The following PCDHA10 variants were observed in gnomAD, a reference collection of about 807,000 sequenced individuals.
The protein encoded by PCDHA10 is protocadherin alpha 10.
Under a neutral mutation model 61.2 loss-of-function variants are expected in PCDHA10, and 45 were observed. The observed-to-expected ratio is 0.74, with a 90% CI of 0.58 to 0.94. PCDHA10 has a LOEUF of 0.94. PCDHA10 is among the 40% of genes least tolerant of loss of function. The pLI is 0.00. For missense variants in PCDHA10, 1,278 were observed against 1,236.2 expected (o/e 1.03, Z -0.51); for synonymous variants, 602 against 548.8 (o/e 1.10, Z -1.35).
At chr5:140,892,349 T>C (rs1266203354) in intron 1 of PCDHA10, among the ~76,000 whole-genome samples, 2 of 152,248 alleles carry the variant, frequency 1.3e-5, no homozygotes, top group Admixed American at 6.5e-5. Context: ...TAATTGACTT[T>C]TGCCAGGCAT....
chr5:140,862,614 C>G, intron 1 of PCDHA10: 1 of 523,252 alleles, frequency 1.9e-6, no homozygotes, highest in Non-Finnish European at 3.9e-6. Flanking sequence ...TGAAAGGTAA[C>G]AACCCGCGGG....
At chr5:141,008,512 C>A (rs1006553111) in intron 3 of PCDHA10, among the ~76,000 whole-genome samples, 2 of 152,094 alleles carry the variant, frequency 1.3e-5, no homozygotes, top group Non-Finnish European at 2.9e-5. Context: ...GGTGTGTCTT[C>A]CAATCAGACT....
chr5:140,862,826 G>A lies in PCDHA10; in HGVS notation c.2388+4390G>A, dbSNP rs112986835. ...CTGCTGCAGTTCTAGGTGAGAGCGCGCGACGCGGGCATGCCGCCTCTGAGC... is the reference window on the plus strand; with the variant it reads ...CTGCTGCAGTTCTAGGTGAGAGCGCACGACGCGGGCATGCCGCCTCTGAGC... On this transcript the variant is annotated intron_variant, in intron 1 of 3. Coordinates refer to ENST00000307360, the MANE Select transcript of PCDHA10 (RefSeq NM_018901.4). The A allele has an allele frequency of 1.9e-3, 1,106 of 575,060 alleles. 11 individuals carry two copies. Among genetic ancestry groups the A allele is most frequent in the African/African-American group, 0.019 (990 of 53,212 alleles). The allele number at this position is 575,060 out of a possible 1,614,324, so 35.6% of individuals were successfully genotyped here.
intron 1 of PCDHA10, among the ~76,000 whole-genome samples, chr5:140,922,557 CA>C (rs1214132732): frequency 3.2e-4 from 49 of 152,258 alleles, no homozygotes; most frequent in African/African-American, 1.1e-3. Context: ...GGAGAAAAGT[CA>C]GGATGACAAG....
chr5:140,961,599 G>A (rs1012408317), intron 1 of PCDHA10, among the ~76,000 whole-genome samples: 3 of 152,062 alleles, frequency 2.0e-5, no homozygotes, highest in Non-Finnish European at 4.4e-5. Flanking sequence ...AATGATTCTA[G>A]TAAATGAAAC....
intron 3 of PCDHA10, among the ~76,000 whole-genome samples, chr5:141,003,371 G>A (rs782012251): frequency 2.0e-5 from 3 of 152,148 alleles, no homozygotes; most frequent in African/African-American, 7.2e-5. Flanking sequence ...GAGTGCAGTG[G>A]TGCAATCTCA....
At position 140,856,636 on chromosome 5, in the gene PCDHA10, G is replaced by A. The variant is rs368149411; in HGVS notation, c.588G>A (p.Arg196=). 231 of 1,598,104 alleles carry A rather than the reference G, an allele frequency of 1.4e-4. 24 individuals are homozygous for A. The highest frequency in any genetic ancestry group is 1.6e-4 in the Non-Finnish European group (182 of 1,167,716). The stretch of plus-strand genomic sequence containing the variant: ...ACAAATTCCCAGTGCTTGTTCTGCG[G>A]AAGCTGCTGGATCGTGAAGAAAATC... ...DKDKFPVLVL[R]KLLDREENPQ... The change falls in exon 1 of 4, where the codon CGG becomes CGA. Residue 196 remains arginine, a synonymous_variant. Coordinates refer to ENST00000307360, the MANE Select transcript of PCDHA10 (RefSeq NM_018901.4).
At chr5:140,872,804 A>G (rs918819226) in intron 1 of PCDHA10, among the ~76,000 whole-genome samples, 1 of 152,170 alleles carries the variant, frequency 6.6e-6, no homozygotes, top group Admixed American at 6.5e-5. Flanking sequence ...ATTCTTCCAT[A>G]AGTTTTTCAG....
chr5:140,945,605 C>G (rs564297850), intron 1 of PCDHA10, among the ~76,000 whole-genome samples: 1 of 152,166 alleles, frequency 6.6e-6, no homozygotes, highest in East Asian at 1.9e-4. Context: ...CTATAATAAT[C>G]AAAACAGCAT....
intron 1 of PCDHA10, chr5:140,869,579 A>T: frequency 8.1e-6 from 13 of 1,614,178 alleles, no homozygotes; most frequent in Non-Finnish European, 1.0e-5. Context: ...GGAGCTTCTG[A>T]TGCTGACATT....
At chr5:140,882,300 C>T in intron 1 of PCDHA10, 2 of 1,613,722 alleles carry the variant, frequency 1.2e-6, no homozygotes, top group Non-Finnish European at 1.7e-6. Context: ...GGCCCAAGAC[C>T]GCGGCAACTA....
chr5:140,969,907 G>A (rs2096367708), intron 1 of PCDHA10, among the ~76,000 whole-genome samples: 1 of 152,204 alleles, frequency 6.6e-6, no homozygotes, highest in Non-Finnish European at 1.5e-5. Context: ...CATGTCACAA[G>A]TGATAAAGCT....
intron 1 of PCDHA10, chr5:140,927,842 T>A (rs201721848): frequency 1.9e-6 from 3 of 1,614,140 alleles, no homozygotes; most frequent in Admixed American, 1.7e-5. Context: ...GACGAAGGTG[T>A]CTTTGGTTTA....
intron 1 of PCDHA10, among the ~76,000 whole-genome samples, chr5:140,873,542 T>C (rs2054341425): frequency 6.6e-6 from 1 of 152,130 alleles, no homozygotes; most frequent in Non-Finnish European, 1.5e-5. Context: ...GGTATAAAAT[T>C]ATAATTTCAA....
chr5:140,891,374 A>G (rs960838202), intron 1 of PCDHA10, among the ~76,000 whole-genome samples: 11 of 151,996 alleles, frequency 7.2e-5, no homozygotes, highest in Non-Finnish European at 1.3e-4. Flanking sequence ...TATACATTGC[A>G]CCATATTTGC....
At chr5:140,915,503 G>T (rs1420993234) in intron 1 of PCDHA10, among the ~76,000 whole-genome samples, 1 of 152,062 alleles carries the variant, frequency 6.6e-6, no homozygotes, top group Non-Finnish European at 1.5e-5. Flanking sequence ...TAATACTGTG[G>T]TTTTTGCAGA....
chr5:140,943,831 A>T (rs1051741610), intron 1 of PCDHA10, among the ~76,000 whole-genome samples: 2 of 152,214 alleles, frequency 1.3e-5, no homozygotes, highest in African/African-American at 4.8e-5. Flanking sequence ...GAGTTGATTG[A>T]AGTTGTAAGA....
intron 1 of PCDHA10, among the ~76,000 whole-genome samples, chr5:140,964,874 A>C (rs1443431100): frequency 6.6e-6 from 1 of 152,178 alleles, no homozygotes; most frequent in East Asian, 1.9e-4. Flanking sequence ...GACAAATAAG[A>C]AGCAGCAGTG....
chr5:140,900,342 A>T (rs965236795), intron 1 of PCDHA10, among the ~76,000 whole-genome samples: 3 of 152,034 alleles, frequency 2.0e-5, no homozygotes, highest in South Asian at 2.1e-4. Context: ...CCGTGGCGCA[A>T]TCTTGGCTCA....
Sources: gnomAD v4.1 joint callset for allele counts (sites outside exome capture counted in the v4.1 genomes callset) on GRCh38, gnomAD v4.1.1 for gene constraint, MANE v1.5 for transcripts, NCBI Gene and HGNC (gene_info 2026-07-23, HGNC 2026-07-21) for gene names.